Variants in RANBP2 observed in about 807,000 individuals in gnomAD.
The protein encoded by RANBP2 is E3 SUMO-protein ligase RanBP2.
In RANBP2, 57 loss-of-function variants were observed where a neutral mutation model predicts 303.6. The ratio of observed to expected loss-of-function variants is 0.19; its 90% CI spans 0.15 to 0.23. The LOEUF (loss-of-function observed/expected upper bound fraction) is 0.23. Among genes scored for constraint, RANBP2 ranks in the 10% least tolerant of loss-of-function variants. The pLI is 1.00. For synonymous variants in RANBP2, 1,167 were observed against 1,301.5 expected (o/e 0.90, Z 2.23); for missense variants, 3,138 against 3,780.8 (o/e 0.83, Z 4.46).
chr2:108,864,828 G>T, the RANBP2 span, among the ~76,000 whole-genome samples: 106,715 of 150,330 alleles, frequency 0.71, 40,877 homozygotes, highest in East Asian at 0.9. Context: ...TGGCATAATG[G>T]TGTGCACTTG....
At chr2:108,834,049 G>A in the RANBP2 span, among the ~76,000 whole-genome samples, 1 of 149,710 alleles carries the variant, frequency 6.7e-6, no homozygotes, top group Non-Finnish European at 1.5e-5. Flanking sequence ...CCCAGCCAAT[G>A]TGGAGTAAAC....
At chr2:109,340,534 C>G in the RANBP2 span, among the ~76,000 whole-genome samples, 1 of 152,202 alleles carries the variant, frequency 6.6e-6, no homozygotes, top group African/African-American at 2.4e-5. Context: ...GTTCTCCCAT[C>G]TGACTTTTGC....
the RANBP2 span, among the ~76,000 whole-genome samples, chr2:109,249,483 TTC>T: frequency 1.5e-4 from 3 of 20,294 alleles, no homozygotes; most frequent in Admixed American, 6.9e-4. Context: ...CTTTCTTTCT[TTC>T]TTTCTTTCTT....
At chr2:109,345,266 AG>A in the RANBP2 span, among the ~76,000 whole-genome samples, 1 of 151,990 alleles carries the variant, frequency 6.6e-6, no homozygotes, top group Non-Finnish European at 1.5e-5. Flanking sequence ...TATGTCAACC[AG>A]TCTAGAGAAG....
the RANBP2 span, among the ~76,000 whole-genome samples, chr2:109,323,163 A>G: frequency 6.6e-6 from 1 of 152,166 alleles, no homozygotes; most frequent in Non-Finnish European, 1.5e-5. Flanking sequence ...AGACAATGCA[A>G]TGGGTGGGAA....
chr2:108,876,014 A>G, the RANBP2 span: 1 of 896,148 alleles, frequency 1.1e-6, no homozygotes, highest in African/African-American at 1.7e-5. Flanking sequence ...TTACACATAA[A>G]TTATCTGTCA....
chr2:109,166,198 G>A, the RANBP2 span, among the ~76,000 whole-genome samples: 1 of 152,172 alleles, frequency 6.6e-6, no homozygotes, highest in Non-Finnish European at 1.5e-5. Context: ...AAAGATGCAG[G>A]CCAGGCACGG....
the RANBP2 span, among the ~76,000 whole-genome samples, chr2:109,558,553 ATAAT>A: frequency 6.6e-6 from 1 of 152,212 alleles, no homozygotes; most frequent in Non-Finnish European, 1.5e-5. Flanking sequence ...AATGGTTGAA[ATAAT>A]TAATATAAAA....
intron 25 of RANBP2, among the ~76,000 whole-genome samples, chr2:108,780,521 C>T (rs1335425280): frequency 6.9e-5 from 10 of 145,828 alleles, no homozygotes; most frequent in Admixed American, 6.8e-4. Context: ...CATGACCACA[C>T]ACTGCTAACT....
At chr2:109,434,031 C>T in the RANBP2 span, among the ~76,000 whole-genome samples, 1 of 152,234 alleles carries the variant, frequency 6.6e-6, no homozygotes, top group South Asian at 2.1e-4. Context: ...TTTCCCATGC[C>T]AGTAGGAACA....
the RANBP2 span, among the ~76,000 whole-genome samples, chr2:109,053,470 G>A: frequency 7.2e-5 from 11 of 152,112 alleles, no homozygotes; most frequent in African/African-American, 1.9e-4. Context: ...TGTTCCTCCC[G>A]GGTTATAAAG....
At chr2:108,923,406 C>A in the RANBP2 span, 1 of 1,614,088 alleles carries the variant, frequency 6.2e-7, no homozygotes, top group African/African-American at 1.3e-5. Flanking sequence ...GCAGGAGTAG[C>A]AGACCATGCC....
chr2:109,227,554 C>A, the RANBP2 span, among the ~76,000 whole-genome samples: 4 of 152,176 alleles, frequency 2.6e-5, no homozygotes, highest in Admixed American at 2.6e-4. Context: ...TGCCCTTCAT[C>A]CCTGTCTGCT....
chr2:109,446,995 C>T, the RANBP2 span, among the ~76,000 whole-genome samples: 7 of 151,874 alleles, frequency 4.6e-5, no homozygotes, highest in South Asian at 2.1e-4. Context: ...TCTCGAGGAG[C>T]GGCCTCTGAG....
At chr2:109,114,452 T>G in the RANBP2 span, among the ~76,000 whole-genome samples, 2 of 152,206 alleles carry the variant, frequency 1.3e-5, no homozygotes, top group African/African-American at 2.4e-5. Context: ...GATGGTAGTT[T>G]GTATTTCTGT....
the RANBP2 span, among the ~76,000 whole-genome samples, chr2:108,947,628 G>A: frequency 1.3e-5 from 2 of 152,204 alleles, no homozygotes; most frequent in African/African-American, 4.8e-5. Context: ...CAAGGCTTGG[G>A]ACTTGCACCC....
the RANBP2 span, among the ~76,000 whole-genome samples, chr2:109,342,047 T>TTCA: frequency 6.6e-6 from 1 of 152,244 alleles, no homozygotes; most frequent in African/African-American, 2.4e-5. Context: ...GACGAATGTG[T>TTCA]TCATCTTCCT....
chr2:109,157,344 T>A, the RANBP2 span, among the ~76,000 whole-genome samples: 1 of 152,210 alleles, frequency 6.6e-6, no homozygotes, highest in African/African-American at 2.4e-5. Context: ...AATATTGCAT[T>A]ACAAATATTG....
chr2:108,762,829 T>TCATCATC, intron 19 of RANBP2, among the ~76,000 whole-genome samples: 1 of 137,720 alleles, frequency 7.3e-6, no homozygotes, highest in Non-Finnish European at 1.6e-5. Flanking sequence ...TCATCATCAT[T>TCATCATC]AACATCATTT....
Sources: gnomAD v4.1 joint callset for allele counts (sites outside exome capture counted in the v4.1 genomes callset) on GRCh38, gnomAD v4.1.1 for gene constraint, MANE v1.5 for transcripts, NCBI Gene and HGNC (gene_info 2026-07-23, HGNC 2026-07-21) for gene names.